KIFAP3: variants seen among roughly 807,000 people sequenced by gnomAD.
KIFAP3 encodes the protein kinesin-associated protein 3.
KIFAP3 carries 68 observed loss-of-function variants against 106.5 expected under a neutral mutation model. The ratio of observed to expected loss-of-function variants is 0.64; its 90% CI spans 0.53 to 0.78. The LOEUF (loss-of-function observed/expected upper bound fraction) is 0.78. Among genes scored for constraint, KIFAP3 ranks in the 30% least tolerant of loss-of-function variants. The pLI, the probability that KIFAP3 is intolerant of heterozygous loss-of-function variation, is 0.00. For synonymous variants in KIFAP3, 320 were observed against 311.5 expected (o/e 1.03, Z -0.29); for missense variants, 780 against 941.8 (o/e 0.83, Z 2.25).
intron 1 of KIFAP3, among the ~76,000 whole-genome samples, chr1:170,069,373 T>C (rs1671593346): frequency 6.6e-6 from 1 of 152,056 alleles, no homozygotes; most frequent in Non-Finnish European, 1.5e-5. Context: ...AGGCCACCAT[T>C]ACCCTGATAC....
intron 19 of KIFAP3, among the ~76,000 whole-genome samples, chr1:169,945,328 C>T (rs1329975201): frequency 1.3e-5 from 2 of 152,104 alleles, no homozygotes; most frequent in African/African-American, 4.8e-5. Context: ...TCCCCAGGCC[C>T]CCAAGAGCAC....
chr1:170,052,450 C>T (rs1323321536), intron 2 of KIFAP3, among the ~76,000 whole-genome samples: 1 of 152,118 alleles, frequency 6.6e-6, no homozygotes, highest in African/African-American at 2.4e-5. Flanking sequence ...TGAAACTATT[C>T]CAAGCAAGAG....
chr1:169,984,539 A>T (rs1666689207), intron 12 of KIFAP3, 43 bp downstream of exon 12: 3 of 853,002 alleles, frequency 3.5e-6, no homozygotes, highest in Non-Finnish European at 5.9e-6. Context: ...CATATACCAA[A>T]TACCATATGC....
chr1:170,078,496 A>T (rs1671963645), upstream of KIFAP3, among the ~76,000 whole-genome samples: 1 of 152,182 alleles, frequency 6.6e-6, no homozygotes, highest in African/African-American at 2.4e-5. Flanking sequence ...CATCATTCAG[A>T]TTCTACAGGT....
At chr1:169,991,670 G>A (rs1244759871) in intron 11 of KIFAP3, among the ~76,000 whole-genome samples, 5 of 152,016 alleles carry the variant, frequency 3.3e-5, no homozygotes, top group Non-Finnish European at 7.4e-5. Context: ...GAGACGTGGG[G>A]AAGCATTTAC....
chr1:170,065,633 A>G (rs888312783), intron 1 of KIFAP3, among the ~76,000 whole-genome samples: 5 of 151,494 alleles, frequency 3.3e-5, no homozygotes, highest in East Asian at 1.9e-4. Flanking sequence ...AAAAAAAAAA[A>G]AAAAAAGAAA....
chr1:169,954,134 C>T, intron 18 of KIFAP3, 24 bp from the exon 19 acceptor site: 5 of 1,411,680 alleles, frequency 3.5e-6, no homozygotes, highest in Non-Finnish European at 4.0e-6. Context: ...AAAATGGTAA[C>T]CAGTAAAACA....
At chr1:170,026,530 T>C (rs1033452491) in intron 8 of KIFAP3, among the ~76,000 whole-genome samples, 4 of 152,104 alleles carry the variant, frequency 2.6e-5, no homozygotes, top group Admixed American at 2.6e-4. Context: ...CAGAACCTGA[T>C]AGAATCCCTG....
chr1:170,009,056 G>T (rs1176258555), intron 10 of KIFAP3, among the ~76,000 whole-genome samples: 1 of 152,130 alleles, frequency 6.6e-6, no homozygotes. Context: ...CTCATAAGTG[G>T]GAGGTGAACA....
chr1:170,044,502 T>TG (rs1670142452), intron 3 of KIFAP3, among the ~76,000 whole-genome samples: 1 of 152,212 alleles, frequency 6.6e-6, no homozygotes, highest in Non-Finnish European at 1.5e-5. Context: ...TTTACTGCCT[T>TG]GTTATAGGAC....
chr1:169,980,550 A>G (rs1666464009), intron 15 of KIFAP3, among the ~76,000 whole-genome samples: 1 of 152,198 alleles, frequency 6.6e-6, no homozygotes, highest in Non-Finnish European at 1.5e-5. Context: ...CAGCTAATTA[A>G]ATTAATTCAA....
At chr1:169,954,231 A>T in intron 18 of KIFAP3, 121 bp from the exon 19 acceptor site, 2 of 649,038 alleles carry the variant, frequency 3.1e-6, no homozygotes, top group Non-Finnish European at 2.7e-6. Flanking sequence ...TTAGCATGAC[A>T]TGCTGTTCTC....
chr1:170,021,967 T>TC (rs1423189282), intron 9 of KIFAP3, among the ~76,000 whole-genome samples: 4 of 124,770 alleles, frequency 3.2e-5, no homozygotes, highest in African/African-American at 1.1e-4. Context: ...TTTTTTTTTT[T>TC]GAGACAGAGG....
intron 1 of KIFAP3, among the ~76,000 whole-genome samples, chr1:170,057,919 A>C (rs1670932373): frequency 1.3e-5 from 2 of 152,154 alleles, no homozygotes; most frequent in Admixed American, 6.5e-5. Flanking sequence ...GTTTTCATAC[A>C]TGTGTAAGAA....
intron 19 of KIFAP3, among the ~76,000 whole-genome samples, chr1:169,945,314 G>A (rs1275228444): frequency 6.6e-6 from 1 of 152,156 alleles, no homozygotes; most frequent in Non-Finnish European, 1.5e-5. Context: ...GGGGCAGGGG[G>A]CCTTCCCCAG....
intron 17 of KIFAP3, among the ~76,000 whole-genome samples, chr1:169,970,566 C>G (rs891509436): frequency 6.6e-6 from 1 of 151,998 alleles, no homozygotes; most frequent in Non-Finnish European, 1.5e-5. Context: ...AGGTAAATTG[C>G]TTTAAGCTAC....
chr1:169,966,477 A>C (rs919129508), intron 17 of KIFAP3, among the ~76,000 whole-genome samples: 7 of 151,648 alleles, frequency 4.6e-5, no homozygotes, highest in Admixed American at 2.0e-4. Context: ...AAAAAAAAAA[A>C]AAAAAAACCT....
intron 1 of KIFAP3, chr1:170,068,775 G>A (rs374829807): frequency 6.6e-6 from 1 of 151,484 alleles, no homozygotes; most frequent in Non-Finnish European, 1.5e-5. Flanking sequence ...CTATACTGAC[G>A]CTCTATTTAA....
chr1:170,038,011 C>T (rs1192767320), intron 5 of KIFAP3, among the ~76,000 whole-genome samples: 7 of 152,124 alleles, frequency 4.6e-5, no homozygotes, highest in African/African-American at 1.7e-4. Flanking sequence ...TATATTTATG[C>T]AAATGTCTAA....
Sources: gnomAD v4.1 joint callset for allele counts (sites outside exome capture counted in the v4.1 genomes callset) on GRCh38, gnomAD v4.1.1 for gene constraint, MANE v1.5 for transcripts, NCBI Gene and HGNC (gene_info 2026-07-23, HGNC 2026-07-21) for gene names.